SMARCA4: variants seen among roughly 807,000 people sequenced by gnomAD.
SMARCA4 encodes SWI/SNF related BAF chromatin remodeling complex subunit ATPase 4.
SMARCA4 carries 31 observed loss-of-function variants against 193.9 expected under a neutral mutation model. The ratio of observed to expected loss-of-function variants is 0.16; its 90% CI spans 0.12 to 0.22. SMARCA4 has a LOEUF of 0.22. SMARCA4 is among the 10% of genes least tolerant of loss of function. SMARCA4 has a pLI of 1.00. For synonymous variants in SMARCA4, 942 were observed against 933.1 expected (o/e 1.01, Z -0.17); for missense variants, 1,148 against 2,296.0 (o/e 0.50, Z 10.22).
chr19:10,989,237 A>T (rs2086336744), intron 6 of SMARCA4, 80 bp from the exon 7 acceptor site: 1 of 1,568,154 alleles, frequency 6.4e-7, no homozygotes, highest in African/African-American at 1.4e-5. Context: ...CTCTCGAGGG[A>T]TGGGTCCCCT....
Position 11,033,960 on chromosome 19 carries a change from G to A in SMARCA4, c.3873+95G>A. ...CCCTGGTCCCACGGAGCGTGCGTGT[G>A]CGTGTGCGTGTGTGTGCCTTTCGCT... On this transcript the variant is annotated intron_variant, in intron 27 of 34. Transcript: ENST00000344626. This position sits in a 1 kb window ranked among gnomAD's most constrained non-coding sequence, Gnocchi z 9.8. 1.3e-6 allele frequency: 1 copy of A among 746,820 alleles called. No homozygotes were observed. The highest frequency in any genetic ancestry group is 2.5e-6 in the Non-Finnish European group (1 of 407,896). The allele number at this position is 746,820 out of a possible 1,614,324, so 46.3% of individuals were successfully genotyped here. A position where few individuals can be genotyped will look rare whatever the true frequency, so the allele number is the denominator to read the frequency against.
In SMARCA4 at chr19:11,028,972, A is replaced by G. The variant is rs188442818; in HGVS notation, c.3382+1022A>G. 2.3e-3 allele frequency among the ~76,000 whole-genome samples: 354 copies of G among 152,272 alleles called. 2 individuals are homozygous for G. The highest frequency in any genetic ancestry group is 8.2e-3 in the African/African-American group (339 of 41,556). On this transcript the variant is annotated intron_variant, in intron 24 of 34. Transcript: ENST00000344626. ...CTCCATACCCCTTGTCCCGTTGATC[A>G]CTTGGACCTGTGTTTGCTGGGCCAA... is the stretch of plus-strand genomic sequence containing the variant.
intron 1 of SMARCA4, among the ~76,000 whole-genome samples, chr19:10,964,300 A>ACTTT (rs910998465): frequency 6.6e-6 from 1 of 151,022 alleles, no homozygotes; most frequent in Non-Finnish European, 1.5e-5. Context: ...GTCTGGTGGA[A>ACTTT]CTTTCTTTCT....
At chr19:10,981,632 C>G (rs975225778) in intron 1 of SMARCA4, among the ~76,000 whole-genome samples, 1 of 152,202 alleles carries the variant, frequency 6.6e-6, no homozygotes, top group East Asian at 1.9e-4. Flanking sequence ...CTGCTGTTAG[C>G]CATGAAAGTG....
intron 18 of SMARCA4, among the ~76,000 whole-genome samples, chr19:11,020,186 G>A (rs1403307251): frequency 6.6e-6 from 1 of 152,176 alleles, no homozygotes; most frequent in African/African-American, 2.4e-5. Flanking sequence ...GCTGGTTCGG[G>A]CTGTTCTGTG....
intron 30 of SMARCA4, among the ~76,000 whole-genome samples, chr19:11,055,297 C>T (rs536303244): frequency 1.3e-5 from 2 of 152,186 alleles, no homozygotes; most frequent in South Asian, 4.1e-4. Context: ...TCAGGTGATT[C>T]TCCTGCCTCA....
At chr19:11,055,472 G>A (rs1020435287) in intron 30 of SMARCA4, among the ~76,000 whole-genome samples, 5 of 151,996 alleles carry the variant, frequency 3.3e-5, no homozygotes, top group Non-Finnish European at 7.4e-5. Flanking sequence ...ACAGGCGTGA[G>A]CCACTGCGCC....
At chr19:11,020,913 C>T (rs1172752097) in intron 18 of SMARCA4, 1 of 152,816 alleles carries the variant, frequency 6.5e-6, no homozygotes, top group Non-Finnish European at 1.5e-5. Context: ...GATCTCAGCT[C>T]ACTGCAACAA....
chr19:10,977,119 A>C (rs914544513), intron 1 of SMARCA4, among the ~76,000 whole-genome samples: 9 of 152,136 alleles, frequency 5.9e-5, no homozygotes, highest in African/African-American at 1.7e-4. Flanking sequence ...ATCTGTGTGC[A>C]TTGCTTGCCA....
rs562374189 is a variant in SMARCA4 at position 11,058,689 on chromosome 19, C to T, written c.4534-99C>T. On this transcript the variant is annotated intron_variant, in intron 31 of 34. Transcript: ENST00000344626. The surrounding 1 kb of genome is among the most constrained non-coding windows in gnomAD (Gnocchi z 5.8). ...CGCTTCGGCCACATCCTCATAGGCA[C>T]GAGGAATCCTAGCCCGTGGGGTCTC... The T allele has an allele frequency of 5.9e-6, 6 of 1,018,658 alleles. No homozygotes were observed. Among genetic ancestry groups the T allele is most frequent in the Admixed American group, 1.9e-5 (1 of 53,996 alleles). 63.1% of individuals were successfully genotyped at this position (1,018,658 alleles called of 1,614,324 possible).
intron 29 of SMARCA4, among the ~76,000 whole-genome samples, chr19:11,038,991 C>CG (rs1207577224): frequency 6.6e-6 from 1 of 151,820 alleles, no homozygotes; most frequent in Non-Finnish European, 1.5e-5. Context: ...GAAGCCAAAG[C>CG]GGGGGGATCA....
intron 1 of SMARCA4, among the ~76,000 whole-genome samples, chr19:10,972,742 G>A (rs948231045): frequency 6.6e-6 from 1 of 152,192 alleles, no homozygotes; most frequent in Non-Finnish European, 1.5e-5. Context: ...GCTCAGTGTT[G>A]CGTATATAGC....
At chr19:11,056,638 A>G (rs977978262) in intron 30 of SMARCA4, among the ~76,000 whole-genome samples, 3 of 151,944 alleles carry the variant, frequency 2.0e-5, no homozygotes, top group Non-Finnish European at 4.4e-5. Flanking sequence ...CAAGCAGGGG[A>G]TGATGGCGGT....
At chr19:11,006,911 C>T (rs1021777322) in intron 13 of SMARCA4, among the ~76,000 whole-genome samples, 1 of 151,244 alleles carries the variant, frequency 6.6e-6, no homozygotes, top group African/African-American at 2.4e-5. Flanking sequence ...ATAGTGAGTC[C>T]CTGTCTCTAC....
intron 9 of SMARCA4, chr19:10,995,872 C>CT (rs1165814494): frequency 2.5e-6 from 1 of 401,932 alleles, no homozygotes; most frequent in African/African-American, 2.1e-5. Context: ...TGGGGGGCTG[C>CT]TGTAGGAGGT....
At chr19:11,020,493 C>T (rs1466196895) in intron 18 of SMARCA4, 1 of 151,748 alleles carries the variant, frequency 6.6e-6, no homozygotes, top group East Asian at 1.9e-4. Context: ...TCACTGCAGG[C>T]CTGACCTCCT....
rs918833436 is a variant in SMARCA4, at chr19:11,026,432, T to C, written c.3215+86T>C. The stretch of plus-strand genomic sequence containing the variant: ...TTTGTTGGCTTTATTGCTGCTGTTA[T>C]GTTGTCCAATTTCAAAGGCAGAAAA... On this transcript the variant is annotated intron_variant, in intron 23 of 34. Transcript: ENST00000344626. The C allele has an allele frequency of 6.4e-5, 62 of 966,286 alleles. 1 individual carries two copies. The highest frequency in any genetic ancestry group is 6.2e-4 in the South Asian group (48 of 77,536). 59.9% of individuals were successfully genotyped at this position (966,286 alleles called of 1,614,324 possible).
chr19:10,989,705 C>CTTT (rs377263433), intron 7 of SMARCA4, among the ~76,000 whole-genome samples: 273 of 142,186 alleles, frequency 1.9e-3, no homozygotes, highest in Non-Finnish European at 3.5e-3. Context: ...TTCCCTTTCC[C>CTTT]TTTTTTTTTT....
At chr19:10,989,577 G>C in intron 7 of SMARCA4, 134 bp downstream of exon 7, 1 of 992,792 alleles carries the variant, frequency 1.0e-6, no homozygotes, top group Non-Finnish European at 1.5e-6. Context: ...GCCATCCATG[G>C]GCACTCAATC....
Sources: allele counts gnomAD v4.1 joint callset (sites outside exome capture counted in the v4.1 genomes callset), GRCh38; gene constraint gnomAD v4.1.1; non-coding constraint Gnocchi (gnomAD v3.1); transcripts MANE v1.5; gene names NCBI Gene and HGNC (gene_info 2026-07-23, HGNC 2026-07-21).